The following NTRK3 variants were observed in gnomAD, a reference collection of about 807,000 sequenced individuals.
NTRK3 encodes the protein NT-3 growth factor receptor.
Under a neutral mutation model 91.7 loss-of-function variants are expected in NTRK3, and 24 were observed. That is an observed-to-expected ratio of 0.26 (90% CI 0.19 to 0.37). The LOEUF is 0.37. Among genes scored for constraint, NTRK3 ranks in the 10% least tolerant of loss-of-function variants. The probability of loss-of-function intolerance (pLI) is 1.00; values close to 1 mark genes in which losing one functional copy is unlikely to be tolerated. For synonymous variants in NTRK3, 483 were observed against 404.0 expected (o/e 1.20, Z -2.34); for missense variants, 880 against 1,068.9 (o/e 0.82, Z 2.46).
intron 5 of NTRK3, among the ~76,000 whole-genome samples, chr15:88,175,719 A>G (rs539536951): frequency 1.3e-5 from 2 of 152,214 alleles, no homozygotes; most frequent in African/African-American, 2.4e-5. Flanking sequence ...TCAATTCTTC[A>G]TATACATTAA....
At chr15:88,122,779 C>T (rs2151076574) in intron 13 of NTRK3, among the ~76,000 whole-genome samples, 1 of 152,284 alleles carries the variant, frequency 6.6e-6, no homozygotes, top group Admixed American at 6.5e-5. Flanking sequence ...TCCCACTGCC[C>T]AGACATCTCA....
intron 5 of NTRK3, among the ~76,000 whole-genome samples, chr15:88,171,948 C>G (rs546700432): frequency 1.3e-5 from 2 of 152,404 alleles, no homozygotes; most frequent in African/African-American, 4.8e-5. Flanking sequence ...TTTCCACAGG[C>G]ATATTTCAGG....
chr15:88,053,698 G>C (rs1347734442), intron 13 of NTRK3, among the ~76,000 whole-genome samples: 1 of 152,176 alleles, frequency 6.6e-6, no homozygotes, highest in African/African-American at 2.4e-5. Flanking sequence ...TTCTAAGGTT[G>C]TTATGAGATT....
chr15:88,065,499 T>C (rs2046573126), intron 13 of NTRK3, among the ~76,000 whole-genome samples: 1 of 152,050 alleles, frequency 6.6e-6, no homozygotes, highest in African/African-American at 2.4e-5. Flanking sequence ...CCCTCCTGCC[T>C]GGAGTGGAGG....
intron 17 of NTRK3, among the ~76,000 whole-genome samples, chr15:87,889,258 C>T (rs746984223): frequency 1.3e-5 from 2 of 152,208 alleles, no homozygotes; most frequent in African/African-American, 2.4e-5. Flanking sequence ...ACCTGGCATG[C>T]TTGTTAAAAA....
At chr15:87,991,009 C>T (rs1328311129) in intron 14 of NTRK3, among the ~76,000 whole-genome samples, 1 of 152,146 alleles carries the variant, frequency 6.6e-6, no homozygotes, top group Non-Finnish European at 1.5e-5. Context: ...CAAAACTGAC[C>T]TCTTGAAGGT....
At chr15:88,183,536 G>C (rs777109015) in intron 4 of NTRK3, 47 bp from the exon 5 acceptor site, 1 of 1,553,204 alleles carries the variant, frequency 6.4e-7, no homozygotes, top group South Asian at 1.1e-5. Context: ...GTGGCAGAGG[G>C]ATATCTGCTC....
chr15:87,931,002 C>G (rs1419874939), intron 16 of NTRK3: 1 of 311,542 alleles, frequency 3.2e-6, no homozygotes, highest in Non-Finnish European at 6.3e-6. Flanking sequence ...ATGGAGAAGG[C>G]AAGGCACTGG....
intron 13 of NTRK3, among the ~76,000 whole-genome samples, chr15:88,100,845 C>T (rs1597316746): frequency 6.6e-6 from 1 of 152,198 alleles, no homozygotes; most frequent in Admixed American, 6.5e-5. Context: ...CCCTTCCTTA[C>T]ACCTTATACA....
chr15:88,179,939 G>A (rs2046316295), intron 5 of NTRK3, among the ~76,000 whole-genome samples: 1 of 152,204 alleles, frequency 6.6e-6, no homozygotes, highest in Non-Finnish European at 1.5e-5. Flanking sequence ...AGAGAGGTGG[G>A]CTCCACTGTG....
chr15:88,040,359 T>C (rs1462874258), intron 13 of NTRK3, among the ~76,000 whole-genome samples: 1 of 152,166 alleles, frequency 6.6e-6, no homozygotes, highest in South Asian at 2.1e-4. Flanking sequence ...TGAGGACCTG[T>C]GGGTACACCA....
At chr15:88,036,624 G>A (rs896784800) in intron 13 of NTRK3, among the ~76,000 whole-genome samples, 12 of 152,222 alleles carry the variant, frequency 7.9e-5, no homozygotes, top group African/African-American at 2.4e-4. Context: ...CGGGAAGGAG[G>A]TGTCTGGAGC....
In NTRK3 at chr15:88,083,211, G is replaced by A. The variant is rs575414116; in HGVS notation, c.1396+43060C>T. On this transcript the variant is annotated intron_variant, in intron 13 of 18. Transcript: ENST00000394480. ...CCTCTGTTCCTGGCCACAGGAGAGAGGGGAGTGGTATTTCTTTTTTGGGAG... is the reference window on the plus strand; with the variant it reads ...CCTCTGTTCCTGGCCACAGGAGAGAAGGGAGTGGTATTTCTTTTTTGGGAG... 4.6e-5 allele frequency among the ~76,000 whole-genome samples: 7 copies of A among 152,158 alleles called. No homozygotes were observed. The East Asian group carries it at 9.7e-4, about 21-fold the overall frequency.
At chr15:88,113,336 G>C (rs1228816972) in intron 13 of NTRK3, among the ~76,000 whole-genome samples, 2 of 71,582 alleles carry the variant, frequency 2.8e-5, no homozygotes, top group East Asian at 3.6e-4. Context: ...TTTTTTTTGA[G>C]ACAGAGTCTC....
At chr15:88,021,211 G>A (rs897330763) in intron 14 of NTRK3, among the ~76,000 whole-genome samples, 1 of 152,208 alleles carries the variant, frequency 6.6e-6, no homozygotes, top group South Asian at 2.1e-4. Flanking sequence ...CCCAATTCGG[G>A]CTATTCCCAC....
At chr15:88,059,528 T>C (rs374167099) in intron 13 of NTRK3, among the ~76,000 whole-genome samples, 84 of 152,234 alleles carry the variant, frequency 5.5e-4, no homozygotes, top group African/African-American at 1.8e-3. Flanking sequence ...CATGCTCCAC[T>C]CATATTCCAC....
intron 14 of NTRK3, among the ~76,000 whole-genome samples, chr15:88,026,249 C>T (rs145980631): frequency 0.031 from 4,687 of 151,740 alleles, 87 homozygotes; most frequent in South Asian, 0.057. Flanking sequence ...CCAGCCTGGG[C>T]GACAGAGTGA....
At chr15:87,876,741 G>T in exon 19 of NTRK3, 3 of 414,456 alleles carry the variant, frequency 7.2e-6, no homozygotes, top group Non-Finnish European at 8.9e-6. Context: ...ATATATATTT[G>T]CCAAACTGCC....
At chr15:88,136,377 G>A in intron 8 of NTRK3, 90 bp downstream of exon 8, 2 of 1,553,384 alleles carry the variant, frequency 1.3e-6, no homozygotes, top group South Asian at 2.2e-5. Context: ...TTTTCCTATA[G>A]TAACAAGACC....
Sources: allele counts gnomAD v4.1 joint callset (sites outside exome capture counted in the v4.1 genomes callset), GRCh38; gene constraint gnomAD v4.1.1; transcripts MANE v1.5; gene names NCBI Gene and HGNC (gene_info 2026-07-23, HGNC 2026-07-21).